Variants in STAG1 observed in about 807,000 individuals in gnomAD.
The protein encoded by STAG1 is STAG1 cohesin complex component.
Under a neutral mutation model 170.9 loss-of-function variants are expected in STAG1, and 26 were observed. The ratio of observed to expected loss-of-function variants is 0.15; its 90% CI spans 0.11 to 0.21. STAG1 has a LOEUF of 0.21. STAG1 is among the 10% of genes least tolerant of loss of function. The pLI is 1.00. For missense variants in STAG1, 964 were observed against 1,509.5 expected, an observed-to-expected ratio of 0.64 and a Z score of 5.99; for synonymous variants, 514 against 497.7, an observed-to-expected ratio of 1.03 and a Z score of -0.44.
At chr3:136,401,214 A>T (rs1313011200) in intron 21 of STAG1, among the ~76,000 whole-genome samples, 1 of 152,204 alleles carries the variant, frequency 6.6e-6, no homozygotes, top group Non-Finnish European at 1.5e-5. Context: ...CATTTTGAGA[A>T]TATCAATATT....
At chr3:136,426,192 G>A (rs1336123679) in intron 16 of STAG1, among the ~76,000 whole-genome samples, 3 of 151,830 alleles carry the variant, frequency 2.0e-5, no homozygotes, top group Admixed American at 6.6e-5. Flanking sequence ...CAGATCACGA[G>A]GTCAGGAGAT....
chr3:136,708,724 C>T (rs111968980), intron 1 of STAG1, among the ~76,000 whole-genome samples: 177 of 152,226 alleles, frequency 1.2e-3, no homozygotes, highest in African/African-American at 2.5e-3. Flanking sequence ...GGTATTACTA[C>T]TATATAGCTA....
intron 21 of STAG1, among the ~76,000 whole-genome samples, chr3:136,400,098 T>G (rs1276105999): frequency 6.6e-6 from 1 of 152,122 alleles, no homozygotes; most frequent in Non-Finnish European, 1.5e-5. Flanking sequence ...AATTTTTGTA[T>G]TTTGAGTAGA....
chr3:136,616,877 A>C (rs1939623442), intron 3 of STAG1, among the ~76,000 whole-genome samples: 1 of 152,226 alleles, frequency 6.6e-6, no homozygotes, highest in Non-Finnish European at 1.5e-5. Flanking sequence ...AATAATGAAC[A>C]ATATAGAAAG....
intron 28 of STAG1, among the ~76,000 whole-genome samples, chr3:136,357,284 C>A (rs1471743521): frequency 2.0e-5 from 3 of 151,868 alleles, no homozygotes; most frequent in Non-Finnish European, 2.9e-5. Flanking sequence ...TAAAACTTAC[C>A]CAATCAAGAT....
intron 4 of STAG1, among the ~76,000 whole-genome samples, chr3:136,581,857 T>A (rs1321252902): frequency 6.6e-6 from 1 of 152,148 alleles, no homozygotes; most frequent in Non-Finnish European, 1.5e-5. Flanking sequence ...CATTCCACTT[T>A]TATAAAACAA....
chr3:136,638,305 T>C (rs1380954495), intron 1 of STAG1, among the ~76,000 whole-genome samples: 1 of 151,826 alleles, frequency 6.6e-6, no homozygotes, highest in Non-Finnish European at 1.5e-5. Flanking sequence ...AGCTAATTTT[T>C]TGTATTTTTA....
intron 21 of STAG1, among the ~76,000 whole-genome samples, chr3:136,412,731 C>CAA (rs1449466254): frequency 6.6e-6 from 1 of 151,808 alleles, no homozygotes; most frequent in Non-Finnish European, 1.5e-5. Flanking sequence ...TGTCATGAAA[C>CAA]AAAAAGGCTC....
chr3:136,369,841 T>A (rs957984129), intron 23 of STAG1, among the ~76,000 whole-genome samples: 1 of 152,174 alleles, frequency 6.6e-6, no homozygotes, highest in African/African-American at 2.4e-5. Flanking sequence ...CCCATAAGCT[T>A]GTAATGGAGC....
intron 29 of STAG1, among the ~76,000 whole-genome samples, chr3:136,345,611 T>C (rs893468353): frequency 2.0e-5 from 3 of 152,138 alleles, no homozygotes; most frequent in Non-Finnish European, 4.4e-5. Context: ...ATAAAAATTC[T>C]AAATTATTCT....
At chr3:136,566,000 T>C (rs1485300760) in intron 5 of STAG1, among the ~76,000 whole-genome samples, 4 of 152,198 alleles carry the variant, frequency 2.6e-5, no homozygotes, top group Admixed American at 2.6e-4. Context: ...AGAAAGTAGA[T>C]TCATGATTGC....
intron 3 of STAG1, 31 bp from the exon 4 acceptor site, chr3:136,604,504 G>C: frequency 6.4e-7 from 1 of 1,565,488 alleles, no homozygotes; most frequent in Non-Finnish European, 8.6e-7. Context: ...GATTCCATTC[G>C]ATTAGGTTTA....
At position 136,418,360 on chromosome 3, in the gene STAG1, C is replaced by CAAAAAAAAAAA. The variant is rs767401141; in HGVS notation, c.2109-399_2109-389dup. Reference sequence around the variant, plus strand: ...GGGTAACTGAGCAAGACTCTGTCTCCAAAAAAAAAAAAAAAAAAAAAAAAA... The same window carrying CAAAAAAAAAAA: ...GGGTAACTGAGCAAGACTCTGTCTCCAAAAAAAAAAAAAAAAAAAAAAAAAAAAAAAAAAAA... On this transcript the variant is annotated intron_variant, in intron 20 of 33. Coordinates refer to ENST00000383202, the MANE Select transcript of STAG1 (RefSeq NM_005862.3). 5.2e-4 allele frequency among the ~76,000 whole-genome samples: 26 copies of CAAAAAAAAAAA among 49,766 alleles called. 1 individual carries two copies. The highest frequency in any genetic ancestry group is 1.8e-3 in the African/African-American group (17 of 9,268). 32.6% of individuals were successfully genotyped at this position (49,766 alleles called of 152,430 possible). A position where few individuals can be genotyped will look rare whatever the true frequency, so the allele number is the denominator to read the frequency against.
In STAG1 at chr3:136,568,938, T is replaced by C. The variant is rs547923347; in HGVS notation, c.298-77A>G. ...GCAAATAAATTTTCAAAAAAGTTTG[T>C]GTGTTTGTGTGTGTTTCTATCTGAA... On this transcript the variant is annotated intron_variant, in intron 4 of 33. Coordinates refer to ENST00000383202, the MANE Select transcript of STAG1 (RefSeq NM_005862.3). The C allele has an allele frequency of 3.4e-4, 326 of 947,456 alleles. 1 individual carries two copies. The East Asian group carries it at 8.1e-3, about 23-fold the overall frequency. 58.7% of individuals were successfully genotyped at this position (947,456 alleles called of 1,614,324 possible). A position where few individuals can be genotyped will look rare whatever the true frequency, so the allele number is the denominator to read the frequency against.
At chr3:136,429,275 C>G (rs1167022744) in intron 16 of STAG1, among the ~76,000 whole-genome samples, 1 of 151,952 alleles carries the variant, frequency 6.6e-6, no homozygotes, top group East Asian at 1.9e-4. Context: ...GCCCTGGTGG[C>G]GGGTGCATGT....
chr3:136,512,096 T>TAAAAAA (rs35238532), intron 7 of STAG1, among the ~76,000 whole-genome samples: 56 of 68,296 alleles, frequency 8.2e-4, no homozygotes, highest in African/African-American at 2.3e-3. Context: ...CTCTACAAAA[T>TAAAAAA]AAAAAAAAAA....
At chr3:136,587,015 G>T in intron 4 of STAG1, 1 of 384,276 alleles carries the variant, frequency 2.6e-6, no homozygotes, top group African/African-American at 2.1e-5. Context: ...CTCTGGTATT[G>T]GATGGTTACA....
intron 4 of STAG1, among the ~76,000 whole-genome samples, chr3:136,570,314 A>G (rs1937223208): frequency 6.6e-6 from 1 of 152,016 alleles, no homozygotes; most frequent in South Asian, 2.1e-4. Context: ...ATCTTTTTTT[A>G]TTTCTTTCAA....
chr3:136,405,056 T>C (rs2087438514), intron 21 of STAG1, among the ~76,000 whole-genome samples: 1 of 152,004 alleles, frequency 6.6e-6, no homozygotes, highest in Non-Finnish European at 1.5e-5. Flanking sequence ...AAGAGTGAAC[T>C]AAACTTAATT....
Sources: allele counts gnomAD v4.1 joint callset (sites outside exome capture counted in the v4.1 genomes callset), GRCh38; gene constraint gnomAD v4.1.1; transcripts MANE v1.5; gene names NCBI Gene and HGNC (gene_info 2026-07-23, HGNC 2026-07-21).